Variants in MAD1L1 observed in about 807,000 individuals in gnomAD.
MAD1L1 encodes mitotic arrest deficient 1 like 1.
Under a neutral mutation model 96.9 loss-of-function variants are expected in MAD1L1, and 95 were observed. The ratio of observed to expected loss-of-function variants is 0.98; its 90% CI spans 0.83 to 1.16. The LOEUF (loss-of-function observed/expected upper bound fraction) is 1.16, where lower values mean the gene tolerates loss of function less well. Ranked by LOEUF, MAD1L1 falls within the 50% of genes most tolerant of loss-of-function variation. The pLI, the probability that MAD1L1 is intolerant of heterozygous loss-of-function variation, is 0.00. For missense variants in MAD1L1, 1,007 were observed against 954.4 expected, an observed-to-expected ratio of 1.06 and a Z score of -0.73; for synonymous variants, 473 against 396.6, an observed-to-expected ratio of 1.19 and a Z score of -2.29.
At chr7:1,985,311 C>T (rs562832612) in intron 14 of MAD1L1, among the ~76,000 whole-genome samples, 22 of 152,368 alleles carry the variant, frequency 1.4e-4, no homozygotes, top group African/African-American at 4.8e-4. Flanking sequence ...TCCCGTTTTC[C>T]GCCCAGGACT....
chr7:2,174,921 A>G (rs1790874934), intron 10 of MAD1L1, among the ~76,000 whole-genome samples: 2 of 152,180 alleles, frequency 1.3e-5, no homozygotes, highest in African/African-American at 4.8e-5. Flanking sequence ...TGAATGAGCG[A>G]CTGTGACGGC....
At chr7:2,000,125 C>A (rs1016231377) in intron 14 of MAD1L1, among the ~76,000 whole-genome samples, 6 of 152,134 alleles carry the variant, frequency 3.9e-5, no homozygotes, top group East Asian at 1.9e-4. Flanking sequence ...GTGTGGCAGG[C>A]GTGAGACTCC....
At chr7:1,920,799 G>C (rs1358739664) in intron 17 of MAD1L1, among the ~76,000 whole-genome samples, 2 of 152,248 alleles carry the variant, frequency 1.3e-5, no homozygotes, top group Admixed American at 6.5e-5. Context: ...GGGCATGCAA[G>C]ACAACATCAC....
intron 18 of MAD1L1, among the ~76,000 whole-genome samples, chr7:1,859,229 C>T (rs1025149091): frequency 3.9e-5 from 6 of 152,326 alleles, no homozygotes; most frequent in Admixed American, 2.6e-4. Context: ...CTTCCCAGAA[C>T]GCTCAGGCAG....
intron 14 of MAD1L1, among the ~76,000 whole-genome samples, chr7:1,987,845 G>C (rs1397064530): frequency 6.6e-6 from 1 of 152,224 alleles, no homozygotes; most frequent in Non-Finnish European, 1.5e-5. Context: ...TGTGCCTCCA[G>C]CCCTCACCGT....
intron 12 of MAD1L1, among the ~76,000 whole-genome samples, chr7:2,039,767 T>C (rs774014425): frequency 3.9e-5 from 6 of 152,216 alleles, no homozygotes; most frequent in African/African-American, 9.6e-5. Flanking sequence ...ACAAATCGTC[T>C]TTGTCAGATA....
chr7:2,215,996 C>T lies in MAD1L1; in HGVS notation c.813G>A (p.Glu271=), dbSNP rs760115476. 1 of 1,614,104 alleles carries T rather than the reference C, an allele frequency of 6.2e-7. No individual in the cohort carries two copies. Among genetic ancestry groups the T allele is most frequent in the Non-Finnish European group, 8.5e-7 (1 of 1,180,004 alleles). The part of the protein sequence containing the change: ...QLREESAHLR[E]MRETNGLLQE... ...GGAGCAGCCCGTTGGTCTCTCTCAT[C>T]TCCCTGGCAGTGCCACAAAGAGTCG... The change falls in exon 9 of 19, where the codon GAG becomes GAA. Residue 271 remains glutamate (E), a synonymous_variant. Transcript: ENST00000265854.
At chr7:2,078,988 T>A (rs1785506511) in intron 11 of MAD1L1, among the ~76,000 whole-genome samples, 1 of 151,774 alleles carries the variant, frequency 6.6e-6, no homozygotes, top group African/African-American at 2.4e-5. Context: ...GCAACAGCAC[T>A]GCCACACAGG....
chr7:2,125,883 CTGTTTT>C (rs1788207801), intron 11 of MAD1L1, among the ~76,000 whole-genome samples: 1 of 130,638 alleles, frequency 7.7e-6, no homozygotes, highest in African/African-American at 2.5e-5. Flanking sequence ...GCTTACGCGT[CTGTTTT>C]AAGCGTTGAG....
rs115473673 is a variant in MAD1L1 at position 1,962,941 on chromosome 7, T to C, written c.1506-5222A>G. Among the ~76,000 whole-genome samples the C allele has an allele frequency of 8.6e-3, 1,303 of 152,204 alleles. 16 individuals carry two copies. The highest frequency in any genetic ancestry group is 0.03 in the African/African-American group (1,263 of 41,502). On this transcript the variant is annotated intron_variant, in intron 15 of 18. Transcript: ENST00000265854. ...CAGCCTGGGCAACAGAGCAAGACCC[T>C]GTCTGTAAAAGAAACATTTAAAAAA...
intron 10 of MAD1L1, among the ~76,000 whole-genome samples, chr7:2,172,838 C>G (rs925620013): frequency 3.3e-5 from 5 of 152,200 alleles, no homozygotes; most frequent in Non-Finnish European, 5.9e-5. Flanking sequence ...GGGGCGAAGT[C>G]AGAAGTCAGA....
At chr7:2,155,645 CTTTTG>C (rs1789796034) in intron 10 of MAD1L1, among the ~76,000 whole-genome samples, 1 of 152,226 alleles carries the variant, frequency 6.6e-6, no homozygotes, top group Admixed American at 6.5e-5. Context: ...ACTCTCCTTC[CTTTTG>C]AAGGCTGAGT....
chr7:2,137,514 C>T (rs1397469145), intron 11 of MAD1L1, among the ~76,000 whole-genome samples: 5 of 152,196 alleles, frequency 3.3e-5, no homozygotes, highest in Non-Finnish European at 7.3e-5. Flanking sequence ...ACACTGCCTC[C>T]TCCTTCCCTT....
At chr7:2,197,808 G>A (rs773163779) in intron 10 of MAD1L1, among the ~76,000 whole-genome samples, 48 of 152,174 alleles carry the variant, frequency 3.2e-4, no homozygotes, top group Non-Finnish European at 5.6e-4. Context: ...ACCTCCTTCT[G>A]GCTACATCAC....
intron 7 of MAD1L1, among the ~76,000 whole-genome samples, 160 bp downstream of exon 7, chr7:2,217,802 T>C (rs372399393): frequency 1.2e-4 from 18 of 152,342 alleles, no homozygotes; most frequent in African/African-American, 4.3e-4. Context: ...TCATTCACCA[T>C]GGCATCCCTG....
At chr7:1,875,789 C>T (rs757777385) in intron 18 of MAD1L1, among the ~76,000 whole-genome samples, 1 of 152,188 alleles carries the variant, frequency 6.6e-6, no homozygotes, top group East Asian at 1.9e-4. Context: ...TGAACTGTGT[C>T]CCCCAAATTT....
intron 10 of MAD1L1, among the ~76,000 whole-genome samples, chr7:2,210,653 A>G (rs1792890799): frequency 6.6e-6 from 1 of 152,190 alleles, no homozygotes; most frequent in Admixed American, 6.5e-5. Flanking sequence ...CTGATGCAGA[A>G]CCACACTCAG....
intron 11 of MAD1L1, among the ~76,000 whole-genome samples, chr7:2,083,616 A>G (rs755370829): frequency 6.6e-6 from 1 of 152,236 alleles, no homozygotes; most frequent in Non-Finnish European, 1.5e-5. Flanking sequence ...ACAGACTGCA[A>G]GATGTCCCCC....
At chr7:2,106,561 GAGAAGGC>G (rs1437278261) in intron 11 of MAD1L1, among the ~76,000 whole-genome samples, 1 of 152,180 alleles carries the variant, frequency 6.6e-6, no homozygotes, top group East Asian at 1.9e-4. Flanking sequence ...GGGGTGGGGG[GAGAAGGC>G]AGGCCAGGGG....
Sources: allele counts gnomAD v4.1 joint callset (sites outside exome capture counted in the v4.1 genomes callset), GRCh38; gene constraint gnomAD v4.1.1; transcripts MANE v1.5; gene names NCBI Gene and HGNC (gene_info 2026-07-23, HGNC 2026-07-21).